AP2A1: variants seen among roughly 807,000 people sequenced by gnomAD.
AP2A1 encodes the protein adaptor related protein complex 2 subunit alpha 1.
Under a neutral mutation model 107.3 loss-of-function variants are expected in AP2A1, and 21 were observed. That is an observed-to-expected ratio of 0.20 (90% CI 0.14 to 0.28). AP2A1 has a LOEUF of 0.28. Ranked by LOEUF, AP2A1 falls within the 10% of genes least tolerant of loss-of-function variation. AP2A1 has a pLI of 1.00. For synonymous variants in AP2A1, 602 were observed against 564.8 expected (o/e 1.07, Z -0.93); for missense variants, 873 against 1,307.7 (o/e 0.67, Z 5.13).
intron 1 of AP2A1, among the ~76,000 whole-genome samples, chr19:49,767,506 G>A (rs1365583189): frequency 6.6e-6 from 1 of 152,012 alleles, no homozygotes; most frequent in Admixed American, 6.6e-5. Flanking sequence ...CTGAAAAGCT[G>A]GGGGATCTTA....
At position 49,798,917 on chromosome 19, in the gene AP2A1, C is replaced by A. The variant is rs1337513945; in HGVS notation, c.930C>A (p.Leu310=). ...VQHSNAKNAI[L]FETISLIIHY... ...ATTCCAACGCCAAGAACGCCATCCT[C>A]TTCGAGACCATCAGCCTCATCATCC... Residue 310 remains leucine (L), a synonymous_variant, in exon 8 of 23, where the codon CTC becomes CTA. Coordinates refer to ENST00000354293, the MANE Select transcript of AP2A1 (RefSeq NM_130787.3). 6 of 1,556,550 alleles carry A rather than the reference C, an allele frequency of 3.9e-6. No individual in the cohort carries two copies. The highest frequency in any genetic ancestry group is 5.2e-6 in the Non-Finnish European group (6 of 1,150,040).
intron 1 of AP2A1, among the ~76,000 whole-genome samples, chr19:49,779,227 C>T (rs1441837898): frequency 6.7e-6 from 1 of 150,276 alleles, no homozygotes; most frequent in East Asian, 2.0e-4. Flanking sequence ...GTCCCAGCTA[C>T]TTGGGAGGCT....
In AP2A1 at chr19:49,801,881, A is replaced by G. The variant is rs2073285415; in HGVS notation, c.1945A>G (p.Ser649Gly). 4.7e-6 allele frequency: 7 copies of G among 1,488,414 alleles called. No homozygotes were observed. Among genetic ancestry groups the G allele is most frequent in the Non-Finnish European group, 6.2e-6 (7 of 1,123,048 alleles). The allele number at this position is 1,488,414 out of a possible 1,614,324, so 92.2% of individuals were successfully genotyped here. Residue 649 changes from serine to glycine, a missense_variant, in exon 14 of 23, where the codon AGC becomes GGC. This residue lies in a region of AP2A1 where 416 missense variants were observed against 473.4 expected (regional missense o/e 0.88). Coordinates refer to ENST00000354293, the MANE Select transcript of AP2A1 (RefSeq NM_130787.3). ...CAACGGGGGCATGGAGCCCACCCCC[A>G]GCACTGTGGTGAGTCCCCTGGGGTG... is the stretch of plus-strand genomic sequence containing the variant. ...DINGGMEPTP[S>G]TVSTPSPSAD...
intron 4 of AP2A1, among the ~76,000 whole-genome samples, chr19:49,791,641 C>G (rs1427621382): frequency 6.6e-6 from 1 of 152,202 alleles, no homozygotes; most frequent in African/African-American, 2.4e-5. Flanking sequence ...ACAGCAGTGC[C>G]TGGTACCCCA....
chr19:49,802,442 T>C (rs1374606670), intron 15 of AP2A1: 5 of 1,259,862 alleles, frequency 4.0e-6, no homozygotes, highest in Non-Finnish European at 4.5e-6. Context: ...TCCCTCCCTC[T>C]CTGTCTCTCT....
In AP2A1 at chr19:49,782,083, G is replaced by A. The variant is rs374095878; in HGVS notation, c.273G>A (p.Lys91=). 1.8e-5 allele frequency: 27 copies of A among 1,538,038 alleles called. No homozygotes were observed. The highest frequency in any genetic ancestry group is 2.4e-5 in the Non-Finnish European group (27 of 1,139,734). The change falls in exon 3 of 23, where the codon AAG becomes AAA. Residue 91 remains lysine (K), a synonymous_variant. Transcript: ENST00000354293. ...NLLSSNKYTE[K]QIGYLFISVL... is the part of the protein sequence containing the mutation. ...TGAGTTCCAATAAATACACAGAGAA[G>A]CAAATAGTGAGTCTGGAGAGGGGGG...
chr19:49,782,613 C>G lies in AP2A1; in HGVS notation c.362C>G (p.Ala121Gly), dbSNP rs761344586. Residue 121 changes from alanine (A) to glycine (G), a missense_variant, in exon 4 of 23, where the codon GCC (alanine) becomes GGC (glycine). By Grantham distance (60) the Ala-to-Gly change is moderately conservative. Coordinates refer to ENST00000354293, the MANE Select transcript of AP2A1 (RefSeq NM_130787.3). ...AACAACGCCATCAAGAATGACCTGG[C>G]CAGCCGCAACCCCACCTTCATGTGC... is the stretch of plus-strand genomic sequence containing the variant. ...LINNAIKNDL[A>G]SRNPTFMCLA... 6.2e-7 allele frequency: 1 copy of G among 1,613,824 alleles called. No individual in the cohort carries two copies.
chr19:49,778,073 A>G (rs1179856256), intron 1 of AP2A1, among the ~76,000 whole-genome samples: 1 of 152,214 alleles, frequency 6.6e-6, no homozygotes, highest in Non-Finnish European at 1.5e-5. Flanking sequence ...TAAAGAATAC[A>G]TATACATGCA....
Position 49,807,033 on chromosome 19 carries a change from CACCCT to C in AP2A1, c.*276_*280del. On this transcript the variant is annotated 3_prime_UTR_variant, in exon 23 of 23. Transcript: ENST00000354293. ...GTGGATGTCTCCTCCCCTCCCACCC[CACCCT>C]GTTGTAGCCCCTCCTACCCCCTCCC... The C allele has an allele frequency of 6.6e-7, 1 of 1,519,918 alleles. No individual in the cohort carries two copies. The allele number at this position is 1,519,918 out of a possible 1,614,324, so 94.2% of individuals were successfully genotyped here.
rs2123648889 is a variant in AP2A1 at position 49,767,002 on chromosome 19, C to T, written c.-132C>T. 1 of 924,282 alleles carries T rather than the reference C, an allele frequency of 1.1e-6. No homozygotes were observed. The highest frequency in any genetic ancestry group is 1.8e-5 in the African/African-American group (1 of 56,686). 57.3% of individuals were successfully genotyped at this position (924,282 alleles called of 1,614,324 possible). On this transcript the variant is annotated 5_prime_UTR_variant, in exon 1 of 23. Transcript: ENST00000354293. ...GCCTGCCAGCCCGCCCGCCCGCCCG[C>T]CAGCCAGCCCTCCCCGCGGCCGGCT...
At chr19:49,799,051 GA>G (rs2073245035) in intron 8 of AP2A1, 99 bp downstream of exon 8, 1 of 1,461,706 alleles carries the variant, frequency 6.8e-7, no homozygotes, top group Non-Finnish European at 9.2e-7. Context: ...AGGGAATCTT[GA>G]CTTTTAGGTA....
At chr19:49,792,443 C>T (rs966846496) in intron 5 of AP2A1, among the ~76,000 whole-genome samples, 3 of 151,890 alleles carry the variant, frequency 2.0e-5, no homozygotes, top group Admixed American at 6.6e-5. Context: ...TGGAGCTTCC[C>T]CCTCGGCGCT....
intron 1 of AP2A1, among the ~76,000 whole-genome samples, chr19:49,769,575 G>T (rs1369460794): frequency 2.0e-5 from 3 of 152,158 alleles, no homozygotes; most frequent in African/African-American, 7.2e-5. Flanking sequence ...AGGTCAGTGT[G>T]GCTGAAGCTG....
chr19:49,784,387 A>G (rs10425303), intron 4 of AP2A1, among the ~76,000 whole-genome samples: 78,906 of 151,526 alleles, frequency 0.52, 21,159 homozygotes, highest in African/African-American at 0.65. Flanking sequence ...AGCCGAGATC[A>G]TGCCACTGCA....
chr19:49,797,755 A>C (rs772487483), intron 7 of AP2A1, among the ~76,000 whole-genome samples: 4 of 152,012 alleles, frequency 2.6e-5, no homozygotes, highest in Non-Finnish European at 4.4e-5. Context: ...AAAAAACAGA[A>C]TATATATCAC....
intron 15 of AP2A1, chr19:49,802,419 C>G (rs759643652): frequency 9.3e-7 from 1 of 1,077,316 alleles, no homozygotes; most frequent in Non-Finnish European, 1.4e-6. Flanking sequence ...TCCTTCTCTC[C>G]TTCCCTCTTC....
In AP2A1 at chr19:49,800,062, A is replaced by C; in HGVS notation, c.1367A>C (p.Tyr456Ser). ...AACCTCATCCGCATTGCGGGCGACT[A>C]CGTGAGTGAGGAGGTGTGGTACCGT... is the stretch of plus-strand genomic sequence containing the variant. ...ILNLIRIAGD[Y>S]VSEEVWYRVL... is the part of the protein sequence containing the mutation. The change falls in exon 11 of 23, where the codon TAC (tyrosine) becomes TCC (serine). Residue 456 changes from tyrosine to serine, a missense_variant. Around this residue, in one of 4 missense-constraint regions of AP2A1, gnomAD observed 213 missense variants for 443.5 expected, o/e 0.48. Coordinates refer to ENST00000354293, the MANE Select transcript of AP2A1 (RefSeq NM_130787.3). 5 of 1,614,042 alleles carry C rather than the reference A, an allele frequency of 3.1e-6. No homozygotes were observed. Among genetic ancestry groups the C allele is most frequent in the Non-Finnish European group, 4.2e-6 (5 of 1,179,878 alleles).
chr19:49,802,212 C>CG (rs1242069240), intron 15 of AP2A1, 71 bp downstream of exon 15: 2 of 1,297,672 alleles, frequency 1.5e-6, no homozygotes, highest in Non-Finnish European at 2.2e-6. Flanking sequence ...CCTCTGTCCC[C>CG]GTTTTCCCTG....
At position 49,798,821 on chromosome 19, in the gene AP2A1, G is replaced by A. The variant is rs1451156762; in HGVS notation, c.834G>A (p.Gly278=). 1 of 1,604,100 alleles carries A rather than the reference G, an allele frequency of 6.2e-7. No homozygotes were observed. Among genetic ancestry groups the A allele is most frequent in the Non-Finnish European group, 8.5e-7 (1 of 1,175,618 alleles). The change falls in exon 8 of 23, where the codon GGG becomes GGA. Residue 278 remains glycine (G), a synonymous_variant. Transcript: ENST00000354293. ...CCCCAGAGGATGCGGCTGTGAAGGG[G>A]CGGCTGGTGGAATGTCTGGAGACTG... ...YPPPEDAAVK[G]RLVECLETVL... is the part of the protein sequence containing the mutation.
Sources: gnomAD v4.1 joint callset for allele counts (sites outside exome capture counted in the v4.1 genomes callset) on GRCh38, gnomAD v4.1.1 for gene constraint, gnomAD v4.1.1 regional missense constraint, MANE v1.5 for transcripts, NCBI Gene and HGNC (gene_info 2026-07-23, HGNC 2026-07-21) for gene names.